Variants in SLC4A4 observed in about 807,000 individuals in gnomAD.
SLC4A4 encodes solute carrier family 4 member 4.
Under a neutral mutation model 111.5 loss-of-function variants are expected in SLC4A4, and 27 were observed. That is an observed-to-expected ratio of 0.24 (90% confidence interval 0.18 to 0.33). The LOEUF (loss-of-function observed/expected upper bound fraction) is 0.33, where lower values mean the gene tolerates loss of function less well. SLC4A4 is among the 10% of genes least tolerant of loss of function. SLC4A4 has a pLI of 1.00. For synonymous variants in SLC4A4, 443 were observed against 463.4 expected, an observed-to-expected ratio of 0.96 and a Z score of 0.57; for missense variants, 909 against 1,315.5, an observed-to-expected ratio of 0.69 and a Z score of 4.78.
intron 2 of SLC4A4, among the ~76,000 whole-genome samples, chr4:71,131,715 T>C (rs1348103191): frequency 2.0e-5 from 3 of 152,212 alleles, no homozygotes; most frequent in Admixed American, 2.0e-4. Flanking sequence ...CCAGATTTTC[T>C]GGACAGTGGT....
intron 3 of SLC4A4, among the ~76,000 whole-genome samples, chr4:71,260,317 C>T (rs1296371602): frequency 6.6e-6 from 1 of 152,180 alleles, no homozygotes; most frequent in Non-Finnish European, 1.5e-5. Context: ...CTTCTTGGTA[C>T]ATTTGTACTT....
intron 4 of SLC4A4, among the ~76,000 whole-genome samples, chr4:71,349,668 G>T (rs923122756): frequency 2.6e-5 from 4 of 152,164 alleles, no homozygotes; most frequent in Non-Finnish European, 5.9e-5. Flanking sequence ...TAAAACCAAG[G>T]ATGCTTTGGC....
intron 14 of SLC4A4, 24 bp from the exon 15 acceptor site, chr4:71,486,924 A>C: frequency 6.7e-7 from 1 of 1,503,530 alleles, no homozygotes. Context: ...TTTATAGTAT[A>C]AAATAATTAT....
intron 4 of SLC4A4, among the ~76,000 whole-genome samples, chr4:71,345,200 G>A (rs1441228879): frequency 1.3e-5 from 2 of 152,118 alleles, no homozygotes; most frequent in East Asian, 3.9e-4. Flanking sequence ...CTTCCATTAA[G>A]AATGTCTAGG....
chr4:71,157,134 A>G (rs1448978590), intron 2 of SLC4A4, among the ~76,000 whole-genome samples: 1 of 152,166 alleles, frequency 6.6e-6, no homozygotes, highest in Non-Finnish European at 1.5e-5. Context: ...GAAGGTCTGC[A>G]AACCTGAGTT....
chr4:71,444,397 T>A (rs1220655655), intron 8 of SLC4A4, among the ~76,000 whole-genome samples: 1 of 152,214 alleles, frequency 6.6e-6, no homozygotes, highest in African/African-American at 2.4e-5. Context: ...CTAGACGCTA[T>A]TAAAAATTGT....
chr4:71,563,766 A>G (rs752866416), intron 23 of SLC4A4, 27 bp from the exon 24 acceptor site: 1 of 1,421,554 alleles, frequency 7.0e-7, no homozygotes. Context: ...AAAACATTCT[A>G]AAACCTCTTG....
chr4:71,203,961 T>C (rs1560777694), intron 1 of SLC4A4, among the ~76,000 whole-genome samples: 2 of 152,168 alleles, frequency 1.3e-5, no homozygotes. Context: ...AGAGGAAAGA[T>C]ACCTAATAAG....
chr4:71,539,821 T>C (rs1734882803), intron 18 of SLC4A4, among the ~76,000 whole-genome samples: 1 of 152,182 alleles, frequency 6.6e-6, no homozygotes, highest in South Asian at 2.1e-4. Context: ...ACCAGTTTCA[T>C]ATGGTAGACT....
chr4:71,547,714 C>T lies in SLC4A4; in HGVS notation c.2688C>T (p.Ile896=). 6.2e-7 allele frequency: 1 copy of T among 1,610,608 alleles called. No homozygotes were observed. The highest frequency in any genetic ancestry group is 8.5e-7 in the Non-Finnish European group (1 of 1,177,350). Residue 896 remains isoleucine, a synonymous_variant, in exon 20 of 26, where the codon ATC becomes ATT. Coordinates refer to ENST00000264485, the MANE Select transcript of SLC4A4 (RefSeq NM_001098484.3). The part of the protein sequence containing the change: ...LTGLSVFMAP[I]LKFIPMPVLY... ...GTCTGTCAGTCTTTATGGCTCCCAT[C>T]TTGAAGGTAAATATGTGAAACATTC...
At chr4:71,428,178 G>A (rs889795976) in intron 7 of SLC4A4, among the ~76,000 whole-genome samples, 1 of 152,086 alleles carries the variant, frequency 6.6e-6, no homozygotes, top group East Asian at 1.9e-4. Flanking sequence ...TTTGCATATG[G>A]TAAATGAATA....
chr4:71,502,106 C>A lies in SLC4A4; in HGVS notation c.2166+4414C>A, dbSNP rs564804526. Among the ~76,000 whole-genome samples, 4 of 152,278 alleles carry A rather than the reference C, an allele frequency of 2.6e-5. No homozygotes were observed. In the East Asian group the frequency reaches 5.8e-4, roughly 22 times the overall value. ...CCTCCTGAGTAACTGGGATTACAGG[C>A]GCTTGCCACCGCGCCCACTAATTTT... On this transcript the variant is annotated intron_variant, in intron 16 of 25. Transcript: ENST00000264485.
intron 16 of SLC4A4, among the ~76,000 whole-genome samples, chr4:71,521,286 C>T (rs779028219): frequency 7.2e-5 from 11 of 152,100 alleles, no homozygotes; most frequent in East Asian, 1.9e-4. Flanking sequence ...AGCTGGAGTG[C>T]GGTGGAGTAA....
chr4:71,457,565 C>T (rs1222360972), intron 12 of SLC4A4, among the ~76,000 whole-genome samples: 1 of 152,096 alleles, frequency 6.6e-6, no homozygotes, highest in Non-Finnish European at 1.5e-5. Context: ...AGGACTAGAA[C>T]ATAAGCTTTC....
intron 2 of SLC4A4, among the ~76,000 whole-genome samples, chr4:71,180,618 A>C (rs1426283542): frequency 6.6e-6 from 1 of 152,248 alleles, no homozygotes; most frequent in Non-Finnish European, 1.5e-5. Context: ...ATCACTGGCC[A>C]TCAGAGAAAT....
intron 6 of SLC4A4, among the ~76,000 whole-genome samples, chr4:71,394,528 C>A (rs1719618058): frequency 6.6e-6 from 1 of 152,074 alleles, no homozygotes. Context: ...TGGCGGTGAT[C>A]AGGGAACACT....
intron 18 of SLC4A4, among the ~76,000 whole-genome samples, chr4:71,539,091 T>C (rs780918881): frequency 1.1e-4 from 17 of 152,150 alleles, no homozygotes; most frequent in Non-Finnish European, 2.1e-4. Flanking sequence ...ATATCTTTTA[T>C]GGGAAAACCC....
chr4:71,402,480 A>G (rs1720456604), intron 7 of SLC4A4, among the ~76,000 whole-genome samples: 1 of 152,162 alleles, frequency 6.6e-6, no homozygotes, highest in Non-Finnish European at 1.5e-5. Flanking sequence ...TACAGTTCAC[A>G]CTGAATGTGG....
chr4:71,386,544 C>A (rs923791908), intron 6 of SLC4A4, among the ~76,000 whole-genome samples: 4 of 151,982 alleles, frequency 2.6e-5, no homozygotes, highest in African/African-American at 9.6e-5. Flanking sequence ...TTGGAAAATT[C>A]TTGTTATAAT....
Sources: allele counts gnomAD v4.1 joint callset (sites outside exome capture counted in the v4.1 genomes callset), GRCh38; gene constraint gnomAD v4.1.1; transcripts MANE v1.5; gene names NCBI Gene and HGNC (gene_info 2026-07-23, HGNC 2026-07-21).